CERS5: variants seen among roughly 807,000 people sequenced by gnomAD.
CERS5 encodes LAG1 homolog, ceramide synthase 5.
A neutral mutation model predicts 58.9 loss-of-function variants in CERS5; 37 were observed. That is an observed-to-expected ratio of 0.63 (90% CI 0.48 to 0.83). The LOEUF (loss-of-function observed/expected upper bound fraction) is 0.83. Among genes scored for constraint, CERS5 ranks in the 40% least tolerant of loss-of-function variants. CERS5 has a pLI of 0.00. For synonymous variants in CERS5, 147 were observed against 177.8 expected (o/e 0.83, Z 1.38); for missense variants, 398 against 489.3 (o/e 0.81, Z 1.76).
At chr12:50,167,072 C>G in intron 1 of CERS5, 29 bp downstream of exon 1, 7 of 1,490,274 alleles carry the variant, frequency 4.7e-6, no homozygotes, top group Non-Finnish European at 6.2e-6. Flanking sequence ...CGCGCCCGGC[C>G]CCCGAGCCGC....
At chr12:50,144,746 A>T in intron 1 of CERS5, 1 of 1,441,172 alleles carries the variant, frequency 6.9e-7, no homozygotes, top group Non-Finnish European at 9.4e-7. Context: ...AATAAGGCAT[A>T]TAAACTTGGT....
At position 50,142,086 on chromosome 12, in the gene CERS5, A is replaced by G. The variant is rs373612675; in HGVS notation, c.459T>C (p.Cys153=). ...GAAATCTAATTCCATAGCAGAATAT[A>G]CATAAATAAAATGTGAATCTCCACC... is the stretch of plus-strand genomic sequence containing the variant. The part of the protein sequence containing the change: ...ESMWRFTFYL[C]IFCYGIRFLW... Residue 153 remains cysteine (C), a synonymous_variant, in exon 4 of 10, where the codon TGT becomes TGC. Transcript: ENST00000317551. 19 of 1,606,578 alleles carry G rather than the reference A, an allele frequency of 1.2e-5. No individual in the cohort carries two copies. The highest frequency in any genetic ancestry group is 5.0e-5 in the Admixed American group (3 of 59,730).
chr12:50,130,468 T>G lies in CERS5; in HGVS notation c.*77A>C. The stretch of plus-strand genomic sequence containing the variant: ...AGTCTCCCAATCACAGAAGAGTAGA[T>G]ATGGGAAGGGCCAAGAGGAGTATGT... On this transcript the variant is annotated 3_prime_UTR_variant, in exon 10 of 10. Transcript: ENST00000317551. The G allele has an allele frequency of 7.6e-7, 1 of 1,308,270 alleles. No homozygotes were observed. Among genetic ancestry groups the G allele is most frequent in the Non-Finnish European group, 1.0e-6 (1 of 965,324 alleles). 81.0% of individuals were successfully genotyped at this position (1,308,270 alleles called of 1,614,324 possible).
At chr12:50,158,503 AG>A (rs1938913606) in intron 1 of CERS5, among the ~76,000 whole-genome samples, 1 of 152,252 alleles carries the variant, frequency 6.6e-6, no homozygotes, top group Non-Finnish European at 1.5e-5. Context: ...AAGAATGAAC[AG>A]ATGAACAAAT....
intron 1 of CERS5, among the ~76,000 whole-genome samples, chr12:50,157,088 C>T (rs924495612): frequency 9.2e-5 from 14 of 152,078 alleles, no homozygotes; most frequent in Non-Finnish European, 1.6e-4. Context: ...GGCAGAAAAA[C>T]GTGAAAAGAC....
intron 2 of CERS5, chr12:50,143,590 C>T: frequency 4.1e-6 from 1 of 246,658 alleles, no homozygotes; most frequent in Non-Finnish European, 7.8e-6. Context: ...CTCCAAAAAA[C>T]AAAAAACCCA....
intron 6 of CERS5, 119 bp downstream of exon 6, chr12:50,137,609 C>G (rs1203612190): frequency 1.7e-6 from 1 of 603,760 alleles, no homozygotes; most frequent in African/African-American, 1.9e-5. Flanking sequence ...AAGAGTCCAT[C>G]AAACCCAGTT....
At chr12:50,132,814 C>T in intron 9 of CERS5, 2 of 1,027,266 alleles carry the variant, frequency 1.9e-6, no homozygotes, top group African/African-American at 1.7e-5. Context: ...CTGGCAACTG[C>T]AGCTCTAGTC....
intron 1 of CERS5, chr12:50,144,635 A>C: frequency 2.1e-6 from 1 of 467,602 alleles, no homozygotes. Flanking sequence ...GATTATGGAA[A>C]TACTTAGATC....
At chr12:50,141,479 G>A (rs1951967449) in intron 4 of CERS5, among the ~76,000 whole-genome samples, 1 of 152,082 alleles carries the variant, frequency 6.6e-6, no homozygotes, top group Non-Finnish European at 1.5e-5. Context: ...AAACCATTAA[G>A]TATTATGCTG....
rs202197775 is a variant in CERS5 at position 50,153,269 on chromosome 12, ATTTTTTTTT to A, written c.198-9221_198-9213del. ...GGTTATAATGAGATAAACTAATATG[ATTTTTTTTT>A]TTTTTTTTTTTTTTTTTTCTGAGAC... On this transcript the variant is annotated intron_variant, in intron 1 of 9. Transcript: ENST00000317551. 2.8e-4 allele frequency among the ~76,000 whole-genome samples: 26 copies of A among 93,446 alleles called. 1 individual carries two copies. The highest frequency in any genetic ancestry group is 4.3e-4 in the African/African-American group (10 of 23,442). The allele number at this position is 93,446 out of a possible 152,430, so 61.3% of individuals were successfully genotyped here. A position where few individuals can be genotyped will look rare whatever the true frequency, so the allele number is the denominator to read the frequency against.
intron 1 of CERS5, among the ~76,000 whole-genome samples, chr12:50,160,532 T>C (rs1592442733): frequency 6.6e-6 from 1 of 152,198 alleles, no homozygotes; most frequent in East Asian, 1.9e-4. Context: ...TAAGCAGCGG[T>C]GAAAGCTCTC....
chr12:50,146,846 C>CAAAAA (rs10714679), intron 1 of CERS5, among the ~76,000 whole-genome samples: 2 of 105,012 alleles, frequency 1.9e-5, no homozygotes, highest in Admixed American at 1.0e-4. Flanking sequence ...GACTCCGTCT[C>CAAAAA]AAAAAAAAAA....
At chr12:50,131,750 C>T (rs1373798032) in intron 9 of CERS5, among the ~76,000 whole-genome samples, 1 of 152,024 alleles carries the variant, frequency 6.6e-6, no homozygotes, top group African/African-American at 2.4e-5. Flanking sequence ...ATTTGGATTA[C>T]AGCAGCATTT....
At chr12:50,140,452 T>G (rs1951912788) in intron 4 of CERS5, among the ~76,000 whole-genome samples, 1 of 151,820 alleles carries the variant, frequency 6.6e-6, no homozygotes, top group Non-Finnish European at 1.5e-5. Flanking sequence ...CCCGGCTAAT[T>G]TTTTGTATTT....
At chr12:50,165,441 G>GAAAAAGA (rs1352963710) in intron 1 of CERS5, 6 of 145,430 alleles carry the variant, frequency 4.1e-5, no homozygotes, top group Admixed American at 3.4e-4. Flanking sequence ...AAAAGAAAAA[G>GAAAAAGA]AAAAAAAAAA....
intron 9 of CERS5, among the ~76,000 whole-genome samples, chr12:50,132,738 G>A (rs1264619522): frequency 6.9e-6 from 1 of 144,566 alleles, no homozygotes; most frequent in Non-Finnish European, 1.5e-5. Context: ...TAGATTTGAG[G>A]TAAACAGAGA....
chr12:50,132,928 C>G (rs554521323), intron 9 of CERS5: 12 of 1,288,176 alleles, frequency 9.3e-6, no homozygotes, highest in Non-Finnish European at 1.1e-5. Flanking sequence ...GATGGACATG[C>G]CTCACTGAAT....
At chr12:50,160,316 AAAG>A (rs1202281866) in intron 1 of CERS5, among the ~76,000 whole-genome samples, 4 of 151,702 alleles carry the variant, frequency 2.6e-5, no homozygotes, top group South Asian at 4.2e-4. Context: ...AAAAAAAAAA[AAAG>A]AAAAAAAAAA....
Sources: gnomAD v4.1 joint callset for allele counts (sites outside exome capture counted in the v4.1 genomes callset) on GRCh38, gnomAD v4.1.1 for gene constraint, MANE v1.5 for transcripts, NCBI Gene and HGNC (gene_info 2026-07-23, HGNC 2026-07-21) for gene names.